SNRNP200: variants seen among roughly 807,000 people sequenced by gnomAD.
The protein encoded by SNRNP200 is small nuclear ribonucleoprotein U5 subunit 200, also known as U5 small nuclear ribonucleoprotein 200 kDa helicase.
SNRNP200 carries 66 observed loss-of-function variants against 255.2 expected under a neutral mutation model. That is an observed-to-expected ratio of 0.26 (90% CI 0.21 to 0.32). The LOEUF is 0.32. Ranked by LOEUF, SNRNP200 falls within the 10% of genes least tolerant of loss-of-function variation. The pLI, the probability that SNRNP200 is intolerant of heterozygous loss-of-function variation, is 1.00. For missense variants in SNRNP200, 1,585 were observed against 2,749.8 expected, an observed-to-expected ratio of 0.58 and a Z score of 9.47; for synonymous variants, 939 against 1,027.8, an observed-to-expected ratio of 0.91 and a Z score of 1.65.
intron 34 of SNRNP200, chr2:96,282,547 AGT>A (rs1242749209): frequency 1.1e-5 from 2 of 179,098 alleles, no homozygotes; most frequent in Admixed American, 1.1e-4. Flanking sequence ...TGTAGTCTCC[AGT>A]GTTGGAGGAA....
chr2:96,276,862 A>G (rs1335510601), intron 43 of SNRNP200, 42 bp downstream of exon 43: 1 of 1,586,474 alleles, frequency 6.3e-7, no homozygotes, highest in Non-Finnish European at 8.7e-7. Flanking sequence ...GCCAATGGAT[A>G]GGGTGAGTTG....
chr2:96,276,754 A>T (rs1459441428), intron 43 of SNRNP200, 150 bp downstream of exon 43: 1 of 852,168 alleles, frequency 1.2e-6, no homozygotes, highest in Non-Finnish European at 2.0e-6. Flanking sequence ...CAGAAAAAAA[A>T]CCCCATAGCC....
In SNRNP200 at chr2:96,297,074, GAAGAA is replaced by G; in HGVS notation, c.1378-9_1378-5del. On this transcript the variant is annotated splice_region_variant and splice_polypyrimidine_tract_variant and intron_variant, in intron 11 of 44. Coordinates refer to ENST00000323853, the MANE Select transcript of SNRNP200 (RefSeq NM_014014.5). ...GCTTTTCCACTGGAAGCAGTTGCTA[GAAGAA>G]AAGAAGTGCCATCAATATCATGTTG... is the stretch of plus-strand genomic sequence containing the variant. 6.2e-7 allele frequency: 1 copy of G among 1,614,210 alleles called. No individual in the cohort carries two copies. Among genetic ancestry groups the G allele is most frequent in the African/African-American group, 1.3e-5 (1 of 75,058 alleles).
Position 96,274,956 on chromosome 2 carries a change from A to T in SNRNP200, c.*56T>A. The T allele has an allele frequency of 6.2e-7, 1 of 1,600,774 alleles. No individual in the cohort carries two copies. Among genetic ancestry groups the T allele is most frequent in the South Asian group, 1.1e-5 (1 of 90,646 alleles). On this transcript the variant is annotated 3_prime_UTR_variant, in exon 45 of 45. Coordinates refer to ENST00000323853, the MANE Select transcript of SNRNP200 (RefSeq NM_014014.5). ...CCCACAACCAGGATTCCTACAATGT[A>T]CACATTCCTAATTCAGGCTCAACTC...
At chr2:96,279,849 C>G (rs1028946219) in intron 35 of SNRNP200, 2 of 365,446 alleles carry the variant, frequency 5.5e-6, no homozygotes, top group Non-Finnish European at 1.0e-5. Context: ...ATTCGAGGAT[C>G]AAATATGTAA....
chr2:96,286,321 G>C lies in SNRNP200; in HGVS notation c.3993C>G (p.Ile1331Met), dbSNP rs775329368. Reference protein sequence around the residue: ...YQDKFPFFNPIQTQVFNTVYN... With the variant: ...YQDKFPFFNPMQTQVFNTVYN... ...GATGGAAACACTTACCCTGGGTCTG[G>C]ATGGGATTGAAGAAAGGAAATTTAT... is the stretch of plus-strand genomic sequence containing the variant. The change falls in exon 29 of 45, where the codon ATC becomes ATG. Residue 1331 changes from isoleucine (I) to methionine (M), a missense_variant. By Grantham distance (10) the Ile-to-Met change is conservative. Transcript: ENST00000323853. The surrounding 1 kb of genome is among the most constrained non-coding windows in gnomAD (Gnocchi z 4.8). The C allele has an allele frequency of 6.2e-7, 1 of 1,614,062 alleles. No homozygotes were observed.
chr2:96,275,162 A>G lies in SNRNP200; in HGVS notation c.6268-7T>C. ...CCACAAAGTCCAACTTCACCTAGAAAGAGCAGGCAGAAATCAAGATGAGCA... is the reference window on the plus strand; with the variant it reads ...CCACAAAGTCCAACTTCACCTAGAAGGAGCAGGCAGAAATCAAGATGAGCA... On this transcript the variant is annotated splice_polypyrimidine_tract_variant and splice_region_variant and intron_variant, in intron 44 of 44. Coordinates refer to ENST00000323853, the MANE Select transcript of SNRNP200 (RefSeq NM_014014.5). 1 of 1,614,262 alleles carries G rather than the reference A, an allele frequency of 6.2e-7. No homozygotes were observed. Among genetic ancestry groups the G allele is most frequent in the Non-Finnish European group, 8.5e-7 (1 of 1,180,046 alleles).
chr2:96,301,073 GA>G lies in SNRNP200; in HGVS notation c.575-21del. 1 of 1,612,060 alleles carries G rather than the reference GA, an allele frequency of 6.2e-7. No homozygotes were observed. The highest frequency in any genetic ancestry group is 8.5e-7 in the Non-Finnish European group (1 of 1,178,232). ...TGTCATCTGAAACAATGAAGGATTA[GA>G]AAAAGAGGGCAGTGAATGGCTAGTA... On this transcript the variant is annotated intron_variant, in intron 4 of 44. Transcript: ENST00000323853.
Position 96,291,334 on chromosome 2 carries a change from T to C in SNRNP200, c.2421+58A>G. On this transcript the variant is annotated intron_variant, in intron 18 of 44. Transcript: ENST00000323853. The surrounding 1 kb of genome is among the most constrained non-coding windows in gnomAD (Gnocchi z 4.2). ...GAGCAAACATGGCACAAACTTGACA[T>C]TGCCCATCTTCTGAAGTATGTCCCA... 2 of 963,488 alleles carry C rather than the reference T, an allele frequency of 2.1e-6. No individual in the cohort carries two copies. The highest frequency in any genetic ancestry group is 3.4e-6 in the Non-Finnish European group (2 of 585,888). The allele number at this position is 963,488 out of a possible 1,614,324, so 59.7% of individuals were successfully genotyped here. A position where few individuals can be genotyped will look rare whatever the true frequency, so the allele number is the denominator to read the frequency against.
intron 5 of SNRNP200, among the ~76,000 whole-genome samples, chr2:96,299,751 C>G (rs957501486): frequency 1.3e-5 from 2 of 152,202 alleles, no homozygotes; most frequent in African/African-American, 4.8e-5. Flanking sequence ...TATACAGAGG[C>G]ATGCCTGGGA....
chr2:96,294,586 T>C (rs925618621), intron 14 of SNRNP200, among the ~76,000 whole-genome samples: 6 of 152,220 alleles, frequency 3.9e-5, no homozygotes, highest in Non-Finnish European at 4.4e-5. Context: ...ACAAAGCCAG[T>C]ACCCACAGAC....
Position 96,289,366 on chromosome 2 carries a change from C to A in SNRNP200, c.2954G>T (p.Gly985Val), listed in dbSNP as rs763444134. ...KTGNFQVTELGRIASHYYITN... is the reference protein window; with the variant it reads ...KTGNFQVTELVRIASHYYITN... Reference sequence around the variant, plus strand: ...GATGTAGTAGTGGCTGGCTATACGGCCCAGTTCTGTCACCTGGAGAGAAGG... The same window carrying A: ...GATGTAGTAGTGGCTGGCTATACGGACCAGTTCTGTCACCTGGAGAGAAGG... The change falls in exon 22 of 45, where the codon GGC (glycine) becomes GTC (valine). Residue 985 changes from glycine to valine, a missense_variant. This residue lies in a region of SNRNP200 where 719 missense variants were observed against 1,091.1 expected (regional missense o/e 0.66). Coordinates refer to ENST00000323853, the MANE Select transcript of SNRNP200 (RefSeq NM_014014.5). 6.2e-7 allele frequency: 1 copy of A among 1,614,030 alleles called. No homozygotes were observed. Among genetic ancestry groups the A allele is most frequent in the Non-Finnish European group, 8.5e-7 (1 of 1,179,978 alleles).
At position 96,286,246 on chromosome 2, in the gene SNRNP200, G is replaced by A; in HGVS notation, c.4003+65C>T. 3 of 1,549,782 alleles carry A rather than the reference G, an allele frequency of 1.9e-6. No individual in the cohort carries two copies. Among genetic ancestry groups the A allele is most frequent in the Non-Finnish European group, 2.7e-6 (3 of 1,122,668 alleles). ...CCTGAGCACCCCCACTCCCCTGCCTGCCACAGAGCACATCTGTCTCCCGGT... is the reference window on the plus strand; with the variant it reads ...CCTGAGCACCCCCACTCCCCTGCCTACCACAGAGCACATCTGTCTCCCGGT... On this transcript the variant is annotated intron_variant, in intron 29 of 44. Transcript: ENST00000323853. This position sits in a 1 kb window ranked among gnomAD's most constrained non-coding sequence, Gnocchi z 4.8.
At chr2:96,284,161 C>T in intron 31 of SNRNP200, 157 bp from the exon 32 acceptor site, 2 of 859,090 alleles carry the variant, frequency 2.3e-6, no homozygotes, top group African/African-American at 1.7e-5. Flanking sequence ...TCCACGGCAG[C>T]CAACCTCCAC....
chr2:96,284,018 G>A lies in SNRNP200; in HGVS notation c.4393-14C>T, dbSNP rs1459688122. ...TTCTAAGACAGGCTGGAAAGAGGGA[G>A]GGAGGGAGGGTCACTGCAGGCCAAG... On this transcript the variant is annotated splice_polypyrimidine_tract_variant and intron_variant, in intron 31 of 44. Coordinates refer to ENST00000323853, the MANE Select transcript of SNRNP200 (RefSeq NM_014014.5). 6.4e-7 allele frequency: 1 copy of A among 1,559,368 alleles called. No individual in the cohort carries two copies. Among genetic ancestry groups the A allele is most frequent in the South Asian group, 1.2e-5 (1 of 85,258 alleles).
At chr2:96,293,877 C>T (rs965957219) in intron 14 of SNRNP200, among the ~76,000 whole-genome samples, 2 of 152,178 alleles carry the variant, frequency 1.3e-5, no homozygotes, top group African/African-American at 2.4e-5. Context: ...AAAGCTATCA[C>T]ACATCAAATG....
rs2063875532 is a variant in SNRNP200, at chr2:96,290,197, C to G, written c.2742+129G>C. ...TAACAAGGGGAACTATCTGCCAGAC[C>G]CAAGATGTGGGTGCAGGGATGGAAG... On this transcript the variant is annotated intron_variant, in intron 20 of 44. Coordinates refer to ENST00000323853, the MANE Select transcript of SNRNP200 (RefSeq NM_014014.5). This position sits in a 1 kb window ranked among gnomAD's most constrained non-coding sequence, Gnocchi z 4.5. 6 of 1,137,762 alleles carry G rather than the reference C, an allele frequency of 5.3e-6. No homozygotes were observed. In the Admixed American group the frequency reaches 6.8e-5, roughly 13 times the overall value. 70.5% of individuals were successfully genotyped at this position (1,137,762 alleles called of 1,614,324 possible).
In SNRNP200 at chr2:96,286,760, T is replaced by C. The variant is rs531287899; in HGVS notation, c.3757A>G (p.Thr1253Ala). 4 of 1,614,120 alleles carry C rather than the reference T, an allele frequency of 2.5e-6. No individual in the cohort carries two copies. The East Asian group carries it at 8.9e-5, about 36-fold the overall frequency. Residue 1253 changes from threonine to alanine, a missense_variant, in exon 28 of 45, where the codon ACA (threonine) becomes GCA (alanine). Physicochemically the swap from Thr to Ala is moderately conservative, Grantham distance 58. Coordinates refer to ENST00000323853, the MANE Select transcript of SNRNP200 (RefSeq NM_014014.5). The surrounding 1 kb of genome is among the most constrained non-coding windows in gnomAD (Gnocchi z 4.8). ...AKYAQDEHLITFFVPVFEPLP... is the reference protein window; with the variant it reads ...AKYAQDEHLIAFFVPVFEPLP... ...GGTTCAAAGACAGGCACGAAGAATGTAATGAGGTGCTCGTCCTGGGCGTAC... is the reference window on the plus strand; with the variant it reads ...GGTTCAAAGACAGGCACGAAGAATGCAATGAGGTGCTCGTCCTGGGCGTAC...
chr2:96,275,014 A>G lies in SNRNP200; in HGVS notation c.6409T>C (p.Ter2137ArgextTer16). ...KEAETDSDSD[*>R] ...CCCAAAAGTAAATGCCTCAGGACTCAATCTGAATCACTGTCTGTCTCAGCT... is the reference window on the plus strand; with the variant it reads ...CCCAAAAGTAAATGCCTCAGGACTCGATCTGAATCACTGTCTGTCTCAGCT... Residue 2137 changes from the stop codon to arginine, a stop_lost, in exon 45 of 45, where the codon TGA becomes CGA. Coordinates refer to ENST00000323853, the MANE Select transcript of SNRNP200 (RefSeq NM_014014.5). 6.2e-7 allele frequency: 1 copy of G among 1,614,092 alleles called. No individual in the cohort carries two copies. The highest frequency in any genetic ancestry group is 8.5e-7 in the Non-Finnish European group (1 of 1,180,046).
Sources: gnomAD v4.1 joint callset for allele counts (sites outside exome capture counted in the v4.1 genomes callset) on GRCh38, gnomAD v4.1.1 for gene constraint, gnomAD v4.1.1 regional missense constraint, Gnocchi (gnomAD v3.1) non-coding constraint, MANE v1.5 for transcripts, NCBI Gene and HGNC (gene_info 2026-07-23, HGNC 2026-07-21) for gene names.